The following AR variants were observed in gnomAD, a reference collection of about 807,000 sequenced individuals.
The protein encoded by AR is dihydrotestosterone receptor.
AR carries 8 observed loss-of-function variants against 53.9 expected under a neutral mutation model. The ratio of observed to expected loss-of-function variants is 0.15; its 90% CI spans 0.09 to 0.27. The LOEUF (loss-of-function observed/expected upper bound fraction) is 0.27. AR is among the 10% of genes least tolerant of loss of function. The pLI, the probability that AR is intolerant of heterozygous loss-of-function variation, is 1.00. For synonymous variants in AR, 359 were observed against 316.4 expected (o/e 1.13, Z -1.43); for missense variants, 639 against 742.5 (o/e 0.86, Z 1.62).
chrX:67,725,067 G>A lies in AR; in HGVS notation c.*1226G>A, dbSNP rs749067958. On this transcript the variant is annotated 3_prime_UTR_variant, in exon 8 of 8. Coordinates refer to ENST00000374690, the MANE Select transcript of AR (RefSeq NM_000044.6). ...TGAATGAAGTTTTCTGCCAAACTCC[G>A]TGAAGCCACAAGCACCTTATGTCCT... The A allele has an allele frequency of 3.5e-5, 6 of 173,649 alleles. No individual in the cohort carries two copies. The highest frequency in any genetic ancestry group is 7.9e-5 in the Admixed American group (1 of 12,661). The allele number at this position is 173,649 out of a possible 1,213,427, so 14.3% of individuals were successfully genotyped here.
chrX:67,679,361 C>A (rs926278427), intron 2 of AR, among the ~76,000 whole-genome samples: 5 of 111,524 alleles, frequency 4.5e-5, no homozygotes, highest in Non-Finnish European at 9.4e-5. Context: ...CTAATAACTG[C>A]AAAACATTCC....
chrX:67,660,874 T>A (rs1409261818), intron 2 of AR, among the ~76,000 whole-genome samples: 1 of 111,684 alleles, frequency 9.0e-6, no homozygotes, highest in Non-Finnish European at 1.9e-5. Context: ...TTTGTTTGTA[T>A]CTTCTTTTAT....
intron 1 of AR, among the ~76,000 whole-genome samples, chrX:67,631,226 G>A (rs980492269): frequency 1.8e-5 from 2 of 111,556 alleles, no homozygotes; most frequent in East Asian, 2.8e-4. Context: ...ATAATATCCT[G>A]CAGAGTGTTT....
intron 1 of AR, among the ~76,000 whole-genome samples, chrX:67,554,518 C>T (rs1283626135): frequency 2.7e-5 from 3 of 112,049 alleles, no homozygotes; most frequent in African/African-American, 9.8e-5. Context: ...GGCTAAGGGT[C>T]ATAGCTAATC....
chrX:67,631,500 T>C lies in AR; in HGVS notation c.1617-11756T>C, dbSNP rs763269768. 2.7e-5 allele frequency among the ~76,000 whole-genome samples: 3 copies of C among 112,257 alleles called. No homozygotes were observed. In the East Asian group the frequency reaches 8.4e-4, roughly 31 times the overall value. On this transcript the variant is annotated intron_variant, in intron 1 of 7. Transcript: ENST00000374690. ...TAGTTTTCAGCTCCATCAGCTCCTT[T>C]AAGCACTTCTCTGTATTGGTTATTC...
intron 1 of AR, among the ~76,000 whole-genome samples, chrX:67,603,184 G>A (rs754287175): frequency 1.8e-5 from 2 of 111,624 alleles, no homozygotes; most frequent in East Asian, 5.6e-4. Context: ...TTATTCTACT[G>A]TGGCAGAGAA....
chrX:67,588,338 A>G (rs1301707157), intron 1 of AR, among the ~76,000 whole-genome samples: 3 of 111,963 alleles, frequency 2.7e-5, no homozygotes, highest in Non-Finnish European at 5.6e-5. Context: ...TTGGCTTTAT[A>G]TAGACTAGAA....
At chrX:67,603,092 A>G (rs1262112785) in intron 1 of AR, among the ~76,000 whole-genome samples, 5 of 111,758 alleles carry the variant, frequency 4.5e-5, no homozygotes. Context: ...TTTGATACAC[A>G]AATGAATAGT....
At chrX:67,669,094 A>G (rs1025640362) in intron 2 of AR, among the ~76,000 whole-genome samples, 15 of 107,504 alleles carry the variant, frequency 1.4e-4, no homozygotes, top group African/African-American at 4.7e-4. Context: ...CAGTTATTTG[A>G]GTTTGGTTTG....
At chrX:67,636,993 A>G (rs896834717) in intron 1 of AR, among the ~76,000 whole-genome samples, 2 of 111,879 alleles carry the variant, frequency 1.8e-5, no homozygotes, top group Admixed American at 9.5e-5. Context: ...ACTCTAATGA[A>G]TATTTTGTCT....
chrX:67,546,979 C>T (rs1911415451), intron 1 of AR, among the ~76,000 whole-genome samples: 1 of 110,220 alleles, frequency 9.1e-6, no homozygotes, highest in Admixed American at 9.6e-5. Context: ...CTGATTCCTG[C>T]CCTCCCAGAT....
chrX:67,700,859 G>A (rs1342614352), intron 3 of AR, among the ~76,000 whole-genome samples: 2 of 112,077 alleles, frequency 1.8e-5, no homozygotes, highest in Non-Finnish European at 3.8e-5. Context: ...AAGTCGAGGC[G>A]ACAGATTATA....
intron 2 of AR, among the ~76,000 whole-genome samples, chrX:67,679,919 T>C (rs1220942643): frequency 1.8e-5 from 2 of 112,103 alleles, no homozygotes. Context: ...CTAATGAAAT[T>C]TATCAAGTCT....
rs946131223 is a variant in AR at position 67,725,567 on chromosome X, A to AAAG, written c.*1728_*1730dup. The AAAG allele has an allele frequency of 1.7e-5, 3 of 174,153 alleles. No homozygotes were observed. Among genetic ancestry groups the AAAG allele is most frequent in the African/African-American group, 8.9e-5 (3 of 33,829 alleles). The allele number at this position is 174,153 out of a possible 1,213,427, so 14.4% of individuals were successfully genotyped here. ...GAAGTCATGAGAAGAGAGAAGGAAC[A>AAAG]AAGAGGAGACTCTGACTACTGAATT... On this transcript the variant is annotated 3_prime_UTR_variant, in exon 8 of 8. Coordinates refer to ENST00000374690, the MANE Select transcript of AR (RefSeq NM_000044.6).
At chrX:67,590,820 A>G (rs1357090953) in intron 1 of AR, among the ~76,000 whole-genome samples, 1 of 112,353 alleles carries the variant, frequency 8.9e-6, no homozygotes, top group African/African-American at 3.2e-5. Context: ...GATGTTTCTT[A>G]AAGTGTAATC....
At chrX:67,645,036 T>C (rs759448392) in intron 2 of AR, among the ~76,000 whole-genome samples, 1 of 110,732 alleles carries the variant, frequency 9.0e-6, no homozygotes, top group East Asian at 2.9e-4. Flanking sequence ...CCATACCCTC[T>C]CACCTAGCGG....
intron 1 of AR, among the ~76,000 whole-genome samples, chrX:67,606,149 A>T (rs1015602662): frequency 1.8e-5 from 2 of 110,953 alleles, no homozygotes; most frequent in Non-Finnish European, 3.8e-5. Flanking sequence ...TCTCAGAGAA[A>T]GTCAAGCTGA....
Position 67,724,356 on chromosome X carries a change from A to C in AR, c.*515A>C. The C allele has an allele frequency of 5.5e-6, 1 of 180,751 alleles. No individual in the cohort carries two copies. The highest frequency in any genetic ancestry group is 7.2e-5 in the Admixed American group (1 of 13,933). 14.9% of individuals were successfully genotyped at this position (180,751 alleles called of 1,213,427 possible). A position where few individuals can be genotyped will look rare whatever the true frequency, so the allele number is the denominator to read the frequency against. On this transcript the variant is annotated 3_prime_UTR_variant, in exon 8 of 8. Transcript: ENST00000374690. Reference sequence around the variant, plus strand: ...TTTTTTCCTCAAAAATAAATAAATAAATAAATAAATACGTACATACATACA... The same window carrying C: ...TTTTTTCCTCAAAAATAAATAAATACATAAATAAATACGTACATACATACA...
At chrX:67,554,795 G>A (rs1007835859) in intron 1 of AR, among the ~76,000 whole-genome samples, 3 of 109,108 alleles carry the variant, frequency 2.7e-5, no homozygotes, top group African/African-American at 1.0e-4. Context: ...AATTATCCAG[G>A]CGTTTTGGTG....
Sources: gnomAD v4.1 joint callset for allele counts (sites outside exome capture counted in the v4.1 genomes callset) on GRCh38, gnomAD v4.1.1 for gene constraint, MANE v1.5 for transcripts, NCBI Gene and HGNC (gene_info 2026-07-23, HGNC 2026-07-21) for gene names.